Variants in FHAD1 observed in about 807,000 individuals in gnomAD.
The protein encoded by FHAD1 is forkhead associated phosphopeptide binding domain 1, also known as forkhead-associated domain-containing protein 1.
FHAD1 carries 146 observed loss-of-function variants against 191.3 expected under a neutral mutation model. That is an observed-to-expected ratio of 0.76 (90% CI 0.67 to 0.88). The LOEUF (loss-of-function observed/expected upper bound fraction) is 0.88. Ranked by LOEUF, FHAD1 falls within the 40% of genes least tolerant of loss-of-function variation. The pLI is 0.00. For missense variants in FHAD1, 1,635 were observed against 1,785.8 expected, an observed-to-expected ratio of 0.92 and a Z score of 1.52; for synonymous variants, 616 against 672.3, an observed-to-expected ratio of 0.92 and a Z score of 1.29.
intron 5 of FHAD1, among the ~76,000 whole-genome samples, chr1:15,298,365 T>C (rs562776397): frequency 6.6e-6 from 1 of 152,312 alleles, no homozygotes; most frequent in East Asian, 1.9e-4. Context: ...CAGTAGACTT[T>C]GGGGATTTAG....
intron 28 of FHAD1, among the ~76,000 whole-genome samples, chr1:15,376,385 C>T (rs957514129): frequency 6.6e-6 from 1 of 152,276 alleles, no homozygotes; most frequent in East Asian, 1.9e-4. Context: ...CCACTGTGCC[C>T]GGCCGATCAC....
rs1222566100 is a variant in FHAD1, at chr1:15,318,280, A to G, written c.1365+352A>G. Among the ~76,000 whole-genome samples, 1 of 152,186 alleles carries G rather than the reference A, an allele frequency of 6.6e-6. No individual in the cohort carries two copies. Among genetic ancestry groups the G allele is most frequent in the Non-Finnish European group, 1.5e-5 (1 of 68,036 alleles). ...GTCCCTTCCCATCATGGGAAAAAAA[A>G]TTGTATTGCATACTCCAGACCTGCG... On this transcript the variant is annotated intron_variant, in intron 10 of 33. Transcript: ENST00000688493. This position sits in a 1 kb window ranked among gnomAD's most constrained non-coding sequence, Gnocchi z 4.1.
At chr1:15,284,251 C>T (rs995348614) in intron 3 of FHAD1, among the ~76,000 whole-genome samples, 20 of 152,134 alleles carry the variant, frequency 1.3e-4, no homozygotes, top group Non-Finnish European at 2.5e-4. Flanking sequence ...GAGGCCGAGG[C>T]GGGCGGATCA....
chr1:15,360,390 A>G (rs1694401696), intron 21 of FHAD1, 88 bp from the exon 22 acceptor site: 1 of 1,189,358 alleles, frequency 8.4e-7, no homozygotes, highest in South Asian at 1.4e-5. Context: ...GGCCCAGTTT[A>G]GCACCTATGT....
At chr1:15,285,580 T>TTTC (rs748648043) in intron 3 of FHAD1, among the ~76,000 whole-genome samples, 1 of 152,120 alleles carries the variant, frequency 6.6e-6, no homozygotes, top group African/African-American at 2.4e-5. Context: ...TTTTTTTAAC[T>TTTC]GAAAGAGCTG....
Position 15,296,779 on chromosome 1 carries a change from G to A in FHAD1, c.664G>A (p.Ala222Thr), listed in dbSNP as rs776442613. ...PAEIYVEEDL[A>T]QQDKDEIILL... is the part of the protein sequence containing the mutation. ...GGAGATTTATGTGGAGGAGGACTTGGCCCAGCAGGACAAGGTGAGGGAGGG... is the reference window on the plus strand; with the variant it reads ...GGAGATTTATGTGGAGGAGGACTTGACCCAGCAGGACAAGGTGAGGGAGGG... Residue 222 changes from alanine to threonine, a missense_variant, in exon 5 of 34, where the codon GCC becomes ACC. By Grantham distance (58) the Ala-to-Thr change is moderately conservative. Transcript: ENST00000688493. 2 of 1,551,586 alleles carry A rather than the reference G, an allele frequency of 1.3e-6. No homozygotes were observed. Among genetic ancestry groups the A allele is most frequent in the African/African-American group, 2.7e-5 (2 of 73,138 alleles).
intron 1 of FHAD1, among the ~76,000 whole-genome samples, chr1:15,238,036 G>A (rs919181118): frequency 6.6e-6 from 1 of 151,860 alleles, no homozygotes; most frequent in Non-Finnish European, 1.5e-5. Flanking sequence ...AGATCACGAC[G>A]TCAGGAGTCC....
chr1:15,252,970 A>T (rs903004585), intron 2 of FHAD1, among the ~76,000 whole-genome samples: 12 of 152,220 alleles, frequency 7.9e-5, no homozygotes, highest in Non-Finnish European at 1.3e-4. Flanking sequence ...TGAGAAGCAG[A>T]TCTCTTTCAG....
Position 15,317,907 on chromosome 1 carries a change from G to A in FHAD1, c.1344G>A (p.Arg448=). 1 of 1,551,514 alleles carries A rather than the reference G, an allele frequency of 6.4e-7. No homozygotes were observed. Among genetic ancestry groups the A allele is most frequent in the Non-Finnish European group, 8.7e-7 (1 of 1,146,782 alleles). ...KSCTEQSVIS[R]TLREKSKVEE... ...GTACTGAACAAAGCGTGATCTCTAG[G>A]ACTCTGAGAGAAAAAAGCAAGGTAC... is the stretch of plus-strand genomic sequence containing the variant. Residue 448 remains arginine, a synonymous_variant, in exon 10 of 34, where the codon AGG becomes AGA. Coordinates refer to ENST00000688493, the MANE Select transcript of FHAD1 (RefSeq NM_001391957.1).
intron 3 of FHAD1, among the ~76,000 whole-genome samples, chr1:15,280,825 G>T (rs1426300020): frequency 6.6e-6 from 1 of 152,118 alleles, no homozygotes; most frequent in Non-Finnish European, 1.5e-5. Context: ...AAATGAATTA[G>T]AACTTAAAGG....
In FHAD1 at chr1:15,307,824, G is replaced by C. The variant is rs576835901; in HGVS notation, c.916-789G>C. ...CGGCTCACTGCAAGCTCTGCCTCCC[G>C]GGTTCACACCATTCTCCTGCCTCAG... On this transcript the variant is annotated intron_variant, in intron 6 of 33. Coordinates refer to ENST00000688493, the MANE Select transcript of FHAD1 (RefSeq NM_001391957.1). 5.5e-4 allele frequency among the ~76,000 whole-genome samples: 84 copies of C among 151,676 alleles called. 1 individual carries two copies. The highest frequency in any genetic ancestry group is 1.9e-3 in the African/African-American group (79 of 41,314).
intron 33 of FHAD1, 39 bp downstream of exon 33, chr1:15,391,302 GTTGTTTTGTT>G (rs553161637): frequency 5.8e-5 from 72 of 1,249,652 alleles, no homozygotes; most frequent in Middle Eastern, 2.2e-4. Context: ...CTCTTTTTTT[GTTGTTTTGTT>G]TTGTTTTGTT....
intron 19 of FHAD1, among the ~76,000 whole-genome samples, chr1:15,352,222 G>A (rs756401454): frequency 3.5e-4 from 53 of 151,976 alleles, no homozygotes; most frequent in Admixed American, 4.6e-4. Flanking sequence ...ATGTTGGTGC[G>A]GGGGAGGTGT....
intron 3 of FHAD1, among the ~76,000 whole-genome samples, chr1:15,274,894 T>C (rs988056874): frequency 3.3e-5 from 5 of 152,220 alleles, no homozygotes; most frequent in African/African-American, 9.6e-5. Context: ...CAGGTAACAA[T>C]TGGGAGAAAA....
intron 4 of FHAD1, among the ~76,000 whole-genome samples, chr1:15,290,524 C>T (rs1664216694): frequency 6.6e-6 from 1 of 152,150 alleles, no homozygotes; most frequent in Non-Finnish European, 1.5e-5. Flanking sequence ...TAGTCACCTT[C>T]CTCAGTCACT....
intron 24 of FHAD1, among the ~76,000 whole-genome samples, chr1:15,366,895 G>C (rs1696646758): frequency 6.6e-6 from 1 of 152,168 alleles, no homozygotes; most frequent in East Asian, 1.9e-4. Context: ...TCAAGCCAAA[G>C]GGCATAAACA....
intron 21 of FHAD1, among the ~76,000 whole-genome samples, chr1:15,359,076 C>T (rs1204600465): frequency 1.3e-4 from 19 of 151,904 alleles, no homozygotes; most frequent in African/African-American, 2.7e-4. Flanking sequence ...CAGGCCAGGG[C>T]GCCTGGGGAC....
chr1:15,271,733 A>G (rs767960843), intron 2 of FHAD1, among the ~76,000 whole-genome samples: 8 of 152,214 alleles, frequency 5.3e-5, no homozygotes, highest in Non-Finnish European at 1.0e-4. Context: ...AAGCATAGAA[A>G]AAAAACGTGG....
intron 20 of FHAD1, among the ~76,000 whole-genome samples, chr1:15,356,670 A>C (rs1278449483): frequency 6.6e-6 from 1 of 152,118 alleles, no homozygotes; most frequent in Admixed American, 6.5e-5. Flanking sequence ...TCAGGAGTTC[A>C]AGACCAGCCT....
Sources: allele counts gnomAD v4.1 joint callset (sites outside exome capture counted in the v4.1 genomes callset), GRCh38; gene constraint gnomAD v4.1.1; non-coding constraint Gnocchi (gnomAD v3.1); transcripts MANE v1.5; gene names NCBI Gene and HGNC (gene_info 2026-07-23, HGNC 2026-07-21).